The following CNTN5 variants were observed in gnomAD, a reference collection of about 807,000 sequenced individuals.
CNTN5 encodes the protein contactin-5.
In CNTN5, 77 loss-of-function variants were observed where a neutral mutation model predicts 129.1. The observed-to-expected ratio is 0.60, with a 90% CI of 0.50 to 0.72. CNTN5 has a LOEUF of 0.72. CNTN5 is among the 30% of genes least tolerant of loss of function. The probability of loss-of-function intolerance (pLI) is 0.00; values close to 1 mark genes in which losing one functional copy is unlikely to be tolerated. For missense variants in CNTN5, 1,478 were observed against 1,328.8 expected (o/e 1.11, Z -1.75); for synonymous variants, 509 against 465.6 (o/e 1.09, Z -1.20).
At chr11:99,389,042 T>TTTATTTTATA (rs2136182135) in intron 2 of CNTN5, among the ~76,000 whole-genome samples, 1 of 148,616 alleles carries the variant, frequency 6.7e-6, no homozygotes, top group African/African-American at 2.5e-5. Flanking sequence ...TTTATTTTAT[T>TTTATTTTATA]TTTTGAGATG....
At chr11:99,427,912 C>G (rs1943203287) in intron 2 of CNTN5, among the ~76,000 whole-genome samples, 1 of 151,444 alleles carries the variant, frequency 6.6e-6, no homozygotes, top group Non-Finnish European at 1.5e-5. Context: ...TCTAGAAAGA[C>G]TATTATTAAT....
chr11:99,865,734 A>T (rs886592577), intron 6 of CNTN5, among the ~76,000 whole-genome samples: 1 of 152,110 alleles, frequency 6.6e-6, no homozygotes, highest in Non-Finnish European at 1.5e-5. Flanking sequence ...CCTAAGCCAC[A>T]TGCAACTCTT....
rs115536409 is a variant in CNTN5, at chr11:99,956,710, A to G, written c.674-96A>G. 2.5e-4 allele frequency: 202 copies of G among 801,152 alleles called. No individual in the cohort carries two copies. The African/African-American group carries it at 3.0e-3, about 12-fold the overall frequency. 49.6% of individuals were successfully genotyped at this position (801,152 alleles called of 1,614,324 possible). On this transcript the variant is annotated intron_variant, in intron 7 of 24. Coordinates refer to ENST00000524871, the MANE Select transcript of CNTN5 (RefSeq NM_014361.4). The stretch of plus-strand genomic sequence containing the variant: ...TGGATCAAATATGTATGACCTTGCA[A>G]TATATCTAATGCTTTCTAAAGGCTT...
At chr11:99,764,389 C>G (rs936873080) in intron 3 of CNTN5, among the ~76,000 whole-genome samples, 1 of 151,766 alleles carries the variant, frequency 6.6e-6, no homozygotes, top group Non-Finnish European at 1.5e-5. Context: ...AGAAGAAACA[C>G]TGGAAATCAA....
intron 13 of CNTN5, among the ~76,000 whole-genome samples, chr11:100,075,146 G>A (rs1203649151): frequency 2.6e-5 from 4 of 151,896 alleles, no homozygotes; most frequent in Admixed American, 1.3e-4. Flanking sequence ...CTGCATTAGC[G>A]GTTCACTTGA....
At chr11:99,665,595 C>A (rs181259149) in intron 3 of CNTN5, among the ~76,000 whole-genome samples, 19 of 150,096 alleles carry the variant, frequency 1.3e-4, no homozygotes, top group African/African-American at 4.7e-4. Flanking sequence ...AAGCAATTCT[C>A]CCTGTCTCAG....
chr11:100,040,473 A>C lies in CNTN5; in HGVS notation c.981-20739A>C, dbSNP rs535317721. Among the ~76,000 whole-genome samples, 3 of 152,316 alleles carry C rather than the reference A, an allele frequency of 2.0e-5. No individual in the cohort carries two copies. The South Asian group carries it at 6.2e-4, about 32-fold the overall frequency. ...CTCAGATCTCAAGCTGCGTGCTGGG[A>C]GAAGCACTGCTCTCTTCAAAGCTGT... On this transcript the variant is annotated intron_variant, in intron 9 of 24. Transcript: ENST00000524871.
intron 3 of CNTN5, among the ~76,000 whole-genome samples, chr11:99,696,718 A>G (rs1253539609): frequency 1.3e-5 from 2 of 151,838 alleles, no homozygotes; most frequent in African/African-American, 2.4e-5. Context: ...AAACAGTTCC[A>G]TGTTTTTATA....
chr11:100,092,327 C>T lies in CNTN5; in HGVS notation c.1580+18033C>T, dbSNP rs1322777637. Among the ~76,000 whole-genome samples, 4 of 152,176 alleles carry T rather than the reference C, an allele frequency of 2.6e-5. No homozygotes were observed. In the East Asian group the frequency reaches 7.7e-4, roughly 29 times the overall value. On this transcript the variant is annotated intron_variant, in intron 13 of 24. Coordinates refer to ENST00000524871, the MANE Select transcript of CNTN5 (RefSeq NM_014361.4). ...TTTTCTCATCTTTACTTCATTTACC[C>T]GGTGAAGCATCTGCAAAGCCTCTGT...
intron 21 of CNTN5, among the ~76,000 whole-genome samples, chr11:100,321,629 A>G (rs1951698192): frequency 6.6e-6 from 1 of 151,932 alleles, no homozygotes; most frequent in South Asian, 2.1e-4. Context: ...CTTTTTCCAG[A>G]CCTTAAAGGA....
intron 3 of CNTN5, among the ~76,000 whole-genome samples, chr11:99,689,533 A>AAAG (rs1953949775): frequency 6.8e-6 from 1 of 147,068 alleles, no homozygotes; most frequent in African/African-American, 2.6e-5. Flanking sequence ...CAAAAAAGAA[A>AAAG]AAAAAAAAAA....
intron 7 of CNTN5, among the ~76,000 whole-genome samples, chr11:99,931,105 T>C (rs1591439396): frequency 6.6e-6 from 1 of 152,326 alleles, no homozygotes; most frequent in South Asian, 2.1e-4. Context: ...AATATCTGAA[T>C]GTAGTGCTTA....
intron 2 of CNTN5, among the ~76,000 whole-genome samples, chr11:99,414,166 C>T (rs1045233268): frequency 3.3e-5 from 5 of 152,108 alleles, no homozygotes; most frequent in Non-Finnish European, 7.4e-5. Context: ...TATTTCTGTC[C>T]AACTATGTCT....
At chr11:99,139,101 A>AC (rs113293616) in intron 1 of CNTN5, among the ~76,000 whole-genome samples, 10 of 129,072 alleles carry the variant, frequency 7.7e-5, no homozygotes, top group Non-Finnish European at 1.2e-4. Flanking sequence ...CCCCCTCCCC[A>AC]CCCCCCCCCC....
chr11:99,143,225 T>C (rs1319466647), intron 1 of CNTN5, among the ~76,000 whole-genome samples: 2 of 151,386 alleles, frequency 1.3e-5, no homozygotes, highest in Non-Finnish European at 2.9e-5. Flanking sequence ...ACACTCTACA[T>C]AGAAAACAAT....
chr11:99,220,093 C>T (rs114128113), intron 1 of CNTN5, among the ~76,000 whole-genome samples: 12,257 of 151,960 alleles, frequency 0.081, 532 homozygotes, highest in African/African-American at 0.1. Flanking sequence ...GGATCAGCCA[C>T]GTTGCAATTA....
chr11:99,471,659 A>G (rs1009860394), intron 2 of CNTN5, among the ~76,000 whole-genome samples: 1 of 151,684 alleles, frequency 6.6e-6, no homozygotes, highest in Non-Finnish European at 1.5e-5. Flanking sequence ...TGAGGATTAT[A>G]CTATTTAAGT....
intron 2 of CNTN5, among the ~76,000 whole-genome samples, chr11:99,431,838 C>CG (rs891189320): frequency 6.3e-4 from 96 of 151,960 alleles, no homozygotes; most frequent in African/African-American, 2.3e-3. Flanking sequence ...AAAGCAGAAA[C>CG]GGGCTGGAGG....
Position 99,068,915 on chromosome 11 carries a change from GA to G in CNTN5, c.-210+47647del, listed in dbSNP as rs1865217817. Among the ~76,000 whole-genome samples the G allele has an allele frequency of 2.0e-5, 3 of 152,090 alleles. No homozygotes were observed. The South Asian group carries it at 6.2e-4, about 32-fold the overall frequency. ...TCCTTTAGAACATGTGACCTTAAGT[GA>G]ATAAATGGAAGAGGAAATCTCCCTG... On this transcript the variant is annotated intron_variant, in intron 1 of 24. Coordinates refer to ENST00000524871, the MANE Select transcript of CNTN5 (RefSeq NM_014361.4).
Sources: allele counts gnomAD v4.1 joint callset (sites outside exome capture counted in the v4.1 genomes callset), GRCh38; gene constraint gnomAD v4.1.1; transcripts MANE v1.5; gene names NCBI Gene and HGNC (gene_info 2026-07-23, HGNC 2026-07-21).